WDHD1: variants seen among roughly 807,000 people sequenced by gnomAD.
The protein encoded by WDHD1 is WD repeat and HMG-box DNA binding protein 1.
Under a neutral mutation model 135.4 loss-of-function variants are expected in WDHD1, and 111 were observed. That is an observed-to-expected ratio of 0.82 (90% CI 0.70 to 0.96). WDHD1 has a LOEUF of 0.96. Ranked by LOEUF, WDHD1 falls within the 40% of genes least tolerant of loss-of-function variation. The pLI is 0.00. For synonymous variants in WDHD1, 434 were observed against 439.0 expected (o/e 0.99, Z 0.14); for missense variants, 1,351 against 1,336.3 (o/e 1.01, Z -0.17).
rs896814680 is a variant in WDHD1, at chr14:54,941,301, C to T, written c.*189G>A. 1 of 451,704 alleles carries T rather than the reference C, an allele frequency of 2.2e-6. No individual in the cohort carries two copies. Among genetic ancestry groups the T allele is most frequent in the African/African-American group, 2.0e-5 (1 of 49,816 alleles). 28.0% of individuals were successfully genotyped at this position (451,704 alleles called of 1,614,324 possible). A position where few individuals can be genotyped will look rare whatever the true frequency, so the allele number is the denominator to read the frequency against. ...CTGCATTTGGAGGCAGAGTAATCTG[C>T]AAAGATGATAGTTTTTACATATGTC... On this transcript the variant is annotated 3_prime_UTR_variant, in exon 26 of 26. Coordinates refer to ENST00000360586, the MANE Select transcript of WDHD1 (RefSeq NM_007086.4).
intron 24 of WDHD1, among the ~76,000 whole-genome samples, chr14:54,953,904 T>C (rs1425463107): frequency 1.3e-5 from 2 of 152,042 alleles, no homozygotes; most frequent in African/African-American, 4.8e-5. Flanking sequence ...TTCTCACTCA[T>C]AGGTGAGAAC....
intron 7 of WDHD1, among the ~76,000 whole-genome samples, chr14:55,004,434 C>CT (rs536245991): frequency 3.1e-4 from 47 of 150,988 alleles, no homozygotes; most frequent in Admixed American, 1.9e-3. Context: ...TGGACTTTCC[C>CT]TTTTTTTTTA....
chr14:54,996,836 G>C (rs2041888178), intron 10 of WDHD1, among the ~76,000 whole-genome samples: 1 of 152,028 alleles, frequency 6.6e-6, no homozygotes, highest in Non-Finnish European at 1.5e-5. Flanking sequence ...TCTGTCGCCA[G>C]GCTGGAGTGC....
At position 54,949,015 on chromosome 14, in the gene WDHD1, A is replaced by T. The variant is rs151150140; in HGVS notation, c.3051-4545T>A. On this transcript the variant is annotated intron_variant, in intron 24 of 25. Coordinates refer to ENST00000360586, the MANE Select transcript of WDHD1 (RefSeq NM_007086.4). The stretch of plus-strand genomic sequence containing the variant: ...ACCCCATGTGTACGTCACCATCATC[A>T]AAGACCAAAGATAGATGAAACCATA... Among the ~76,000 whole-genome samples, 23 of 152,314 alleles carry T rather than the reference A, an allele frequency of 1.5e-4. No individual in the cohort carries two copies. The East Asian group carries it at 4.3e-3, about 28-fold the overall frequency.
At chr14:54,980,802 T>TAAAAAA (rs375441329) in intron 16 of WDHD1, among the ~76,000 whole-genome samples, 1 of 83,598 alleles carries the variant, frequency 1.2e-5, no homozygotes, top group African/African-American at 4.8e-5. Context: ...AGACTCCACA[T>TAAAAAA]AAAAAAAAAA....
chr14:54,941,722 A>AT, intron 25 of WDHD1, 32 bp from the exon 26 acceptor site: 1 of 1,551,506 alleles, frequency 6.4e-7, no homozygotes, highest in South Asian at 1.2e-5. Flanking sequence ...AAAAGGAAAG[A>AT]TTTTTAGAAA....
At chr14:55,020,409 C>T (rs1314906097) in intron 2 of WDHD1, among the ~76,000 whole-genome samples, 2 of 152,174 alleles carry the variant, frequency 1.3e-5, no homozygotes, top group Non-Finnish European at 2.9e-5. Flanking sequence ...TCAAACACTT[C>T]ATTTGGCTTC....
intron 24 of WDHD1, among the ~76,000 whole-genome samples, chr14:54,946,768 G>C (rs1052411120): frequency 1.3e-5 from 2 of 152,218 alleles, no homozygotes; most frequent in Non-Finnish European, 2.9e-5. Context: ...GCTTGGCCAG[G>C]TGTGGTGGCT....
Position 54,955,665 on chromosome 14 carries a change from T to C in WDHD1, c.2946A>G (p.Arg982=), listed in dbSNP as rs992824446. The C allele has an allele frequency of 1.3e-6, 2 of 1,584,772 alleles. No individual in the cohort carries two copies. The highest frequency in any genetic ancestry group is 2.7e-5 in the African/African-American group (2 of 72,904). The change falls in exon 24 of 26, where the codon AGA becomes AGG. Residue 982 remains arginine (R), a synonymous_variant. Coordinates refer to ENST00000360586, the MANE Select transcript of WDHD1 (RefSeq NM_007086.4). ...CCTCAGTTTTATTAGTTTGAGAATT[T>C]CTTTTCTGGAAATAGGATGCTGCAG... ...QASAASYFQK[R]NSQTNKTEEV... is the part of the protein sequence containing the mutation.
In WDHD1 at chr14:54,984,929, T is replaced by C. The variant is rs546089751; in HGVS notation, c.1769-69A>G. ...CAACTATAACGCAGTCTAAATTATT[T>C]TCTGTGAATTGATTTTGTGGTAAAT... On this transcript the variant is annotated intron_variant, in intron 14 of 25. Transcript: ENST00000360586. The C allele has an allele frequency of 1.3e-4, 207 of 1,568,202 alleles. 1 individual carries two copies. In the Admixed American group the frequency reaches 1.6e-3, roughly 12 times the overall value.
intron 16 of WDHD1, among the ~76,000 whole-genome samples, chr14:54,974,520 A>G (rs1167932667): frequency 4.2e-5 from 6 of 143,476 alleles, no homozygotes; most frequent in African/African-American, 1.5e-4. Flanking sequence ...TATATTAAAG[A>G]AAGAGTTTAA....
intron 16 of WDHD1, among the ~76,000 whole-genome samples, chr14:54,973,431 A>G (rs1330730630): frequency 6.6e-6 from 1 of 152,066 alleles, no homozygotes. Flanking sequence ...TTTTCTGACT[A>G]TACAATAAAA....
intron 13 of WDHD1, among the ~76,000 whole-genome samples, chr14:54,987,628 C>CT (rs1238384613): frequency 2.7e-5 from 4 of 150,898 alleles, no homozygotes; most frequent in Non-Finnish European, 4.4e-5. Context: ...AATACAAATT[C>CT]TTTTTTTTTG....
At chr14:55,001,629 C>T (rs1050581138) in intron 8 of WDHD1, among the ~76,000 whole-genome samples, 1 of 152,200 alleles carries the variant, frequency 6.6e-6, no homozygotes, top group African/African-American at 2.4e-5. Context: ...CAATTCAAGA[C>T]ATCCTCTTAG....
Position 54,963,064 on chromosome 14 carries a change from T to C in WDHD1, c.2419A>G (p.Ile807Val). 2 of 1,613,584 alleles carry C rather than the reference T, an allele frequency of 1.2e-6. No homozygotes were observed. Among genetic ancestry groups the C allele is most frequent in the East Asian group, 4.5e-5 (2 of 44,846 alleles). ...IKYASRSRKL[I>V]LAQKLSELAV... Reference sequence around the variant, plus strand: ...AGTTCACTTAGTTTTTGAGCCAGTATTAATTTCCGAGAGCGAGAAGCATAT... The same window carrying C: ...AGTTCACTTAGTTTTTGAGCCAGTACTAATTTCCGAGAGCGAGAAGCATAT... Residue 807 changes from isoleucine (I) to valine (V), a missense_variant, in exon 19 of 26, where the codon ATA becomes GTA. Around this residue, in one of 2 missense-constraint regions of WDHD1, gnomAD observed 1,330 missense variants for 1,296.1 expected, o/e 1.03. Transcript: ENST00000360586.
Position 54,967,414 on chromosome 14 carries a change from C to A in WDHD1, c.2064-20G>T. On this transcript the variant is annotated intron_variant, in intron 16 of 25. Transcript: ENST00000360586. ...ATGCACCTGTTAGTAAAGAAAAGTT[C>A]CATCATAAAAATTTACTAACATGTC... The A allele has an allele frequency of 1.3e-6, 2 of 1,555,398 alleles. No homozygotes were observed. The highest frequency in any genetic ancestry group is 2.1e-5 in the Admixed American group (1 of 47,850).
chr14:54,982,643 C>T (rs1413849417), intron 15 of WDHD1, among the ~76,000 whole-genome samples: 1 of 151,964 alleles, frequency 6.6e-6, no homozygotes, highest in African/African-American at 2.4e-5. Context: ...CATTAGTTTC[C>T]GCAGGGTCTG....
intron 2 of WDHD1, among the ~76,000 whole-genome samples, chr14:55,018,326 A>G (rs142517406): frequency 1.8e-3 from 275 of 152,308 alleles, no homozygotes; most frequent in Middle Eastern, 6.8e-3. Context: ...TTATCCCTAC[A>G]AAAGCAAATA....
chr14:54,977,372 C>T (rs541514951), intron 16 of WDHD1, among the ~76,000 whole-genome samples: 11 of 152,172 alleles, frequency 7.2e-5, no homozygotes, highest in African/African-American at 2.4e-4. Flanking sequence ...ATGCAGATAA[C>T]GTGATTTGTA....
Sources: allele counts gnomAD v4.1 joint callset (sites outside exome capture counted in the v4.1 genomes callset), GRCh38; gene constraint gnomAD v4.1.1; regional missense constraint gnomAD v4.1.1; transcripts MANE v1.5; gene names NCBI Gene and HGNC (gene_info 2026-07-23, HGNC 2026-07-21).